MAPRE2: variants seen among roughly 807,000 people sequenced by gnomAD.
MAPRE2 encodes the protein microtubule associated protein RP/EB family member 2, also known as microtubule-associated protein RP/EB family member 2.
MAPRE2 carries 13 observed loss-of-function variants against 43.2 expected under a neutral mutation model. The ratio of observed to expected loss-of-function variants is 0.30; its 90% confidence interval spans 0.20 to 0.48. MAPRE2 has a LOEUF of 0.48. Among genes scored for constraint, MAPRE2 ranks in the 20% least tolerant of loss-of-function variants. The pLI is 0.99. For missense variants in MAPRE2, 161 were observed against 400.2 expected (o/e 0.40, Z 5.10); for synonymous variants, 135 against 148.8 (o/e 0.91, Z 0.68).
intron 1 of MAPRE2, among the ~76,000 whole-genome samples, chr18:35,069,406 A>C (rs1411815743): frequency 6.6e-6 from 1 of 152,058 alleles, no homozygotes; most frequent in East Asian, 1.9e-4. Flanking sequence ...TATTTTTCAG[A>C]GACACACTGA....
chr18:35,018,512 T>C (rs2097039898), intron 2 of MAPRE2, among the ~76,000 whole-genome samples: 1 of 151,786 alleles, frequency 6.6e-6, no homozygotes, highest in Non-Finnish European at 1.5e-5. Context: ...AACTTGATAT[T>C]GGTCTGCTCA....
intron 2 of MAPRE2, among the ~76,000 whole-genome samples, chr18:35,022,148 A>C (rs1348755712): frequency 6.6e-6 from 1 of 152,168 alleles, no homozygotes; most frequent in African/African-American, 2.4e-5. Context: ...ACGTCTCTGT[A>C]TCTCTCAAAA....
intron 2 of MAPRE2, 83 bp from the exon 3 acceptor site, chr18:35,097,362 GA>G: frequency 7.8e-7 from 1 of 1,289,466 alleles, no homozygotes; most frequent in Non-Finnish European, 1.1e-6. Flanking sequence ...TGCCTGTAAG[GA>G]CAATCCCCTT....
At chr18:35,066,080 C>G (rs1906825795) in intron 1 of MAPRE2, among the ~76,000 whole-genome samples, 1 of 152,204 alleles carries the variant, frequency 6.6e-6, no homozygotes, top group African/African-American at 2.4e-5. Flanking sequence ...TGAGTTGCTC[C>G]TTGTTCTGTA....
chr18:35,009,007 G>C (rs1665305787), intron 2 of MAPRE2, among the ~76,000 whole-genome samples: 1 of 151,912 alleles, frequency 6.6e-6, no homozygotes, highest in African/African-American at 2.4e-5. Context: ...TGAATGATGT[G>C]CTCATTCTAC....
intron 1 of MAPRE2, among the ~76,000 whole-genome samples, chr18:34,985,761 A>T (rs1054859923): frequency 3.8e-5 from 5 of 132,194 alleles, no homozygotes; most frequent in Admixed American, 8.9e-5. Flanking sequence ...TAATATATAA[A>T]ATATATTACA....
In MAPRE2 at chr18:35,075,411, C is replaced by T. The variant is rs1603398123; in HGVS notation, c.250+5089C>T. 2.6e-5 allele frequency among the ~76,000 whole-genome samples: 4 copies of T among 152,172 alleles called. No homozygotes were observed. The South Asian group carries it at 8.3e-4, about 31-fold the overall frequency. On this transcript the variant is annotated intron_variant, in intron 2 of 6. Coordinates refer to ENST00000300249, the MANE Select transcript of MAPRE2 (RefSeq NM_014268.4). ...CAGAGACCTCTGTCAGGACAGGTTA[C>T]CGATGAAATCTGCTCAGAGTCTAAA...
intron 1 of MAPRE2, among the ~76,000 whole-genome samples, chr18:35,061,027 T>C (rs914155286): frequency 6.6e-6 from 1 of 152,240 alleles, no homozygotes; most frequent in African/African-American, 2.4e-5. Context: ...ATGGGCACCC[T>C]GAAAAAGAGT....
At chr18:34,978,720 G>A (rs1262396999) in intron 1 of MAPRE2, among the ~76,000 whole-genome samples, 2 of 152,162 alleles carry the variant, frequency 1.3e-5, no homozygotes, top group Non-Finnish European at 2.9e-5. Flanking sequence ...TCAGTTAGGG[G>A]TAAGATAAGA....
chr18:35,100,103 TCA>T (rs998718638), intron 3 of MAPRE2, among the ~76,000 whole-genome samples: 2 of 152,114 alleles, frequency 1.3e-5, no homozygotes, highest in East Asian at 1.9e-4. Flanking sequence ...GCTTACACAC[TCA>T]CACACATTCA....
chr18:35,123,078 C>G (rs1045976711), intron 4 of MAPRE2, among the ~76,000 whole-genome samples: 1 of 152,236 alleles, frequency 6.6e-6, no homozygotes, highest in Non-Finnish European at 1.5e-5. Context: ...ATTCTCCCTG[C>G]GTGTCTCACT....
At chr18:35,041,355 C>G (rs1173917673), upstream of MAPRE2, 4 of 1,444,378 alleles carry the variant, frequency 2.8e-6, no homozygotes, top group African/African-American at 5.7e-5. Flanking sequence ...TGCCGGCGCT[C>G]TGACGTCAGC....
intron 6 of MAPRE2, among the ~76,000 whole-genome samples, chr18:35,138,389 G>C (rs1382476533): frequency 4.6e-5 from 7 of 152,212 alleles, no homozygotes. Context: ...GGGTGGTCAT[G>C]GGGTAGGGAG....
At chr18:35,128,254 A>C (rs952079566) in intron 5 of MAPRE2, among the ~76,000 whole-genome samples, 5 of 152,244 alleles carry the variant, frequency 3.3e-5, no homozygotes, top group African/African-American at 1.2e-4. Flanking sequence ...TTACCTGCTG[A>C]TTCTCAGTTT....
At position 35,063,999 on chromosome 18, in the gene MAPRE2, TTAAAAA is replaced by T. The variant is rs1223085069; in HGVS notation, c.123-6195_123-6190del. ...GACTGCCGAGTGAGACCCTGTCTCT[TTAAAAA>T]AAAAAAAAAAAAAAAAAAAAAAAAA... On this transcript the variant is annotated intron_variant, in intron 1 of 6. Transcript: ENST00000300249. Among the ~76,000 whole-genome samples the T allele has an allele frequency of 2.6e-3, 155 of 60,732 alleles. 7 individuals are homozygous for T. The highest frequency in any genetic ancestry group is 7.5e-3 in the African/African-American group (150 of 19,946). The allele number at this position is 60,732 out of a possible 152,430, so 39.8% of individuals were successfully genotyped here.
intron 1 of MAPRE2, among the ~76,000 whole-genome samples, chr18:35,000,686 C>T (rs1285604832): frequency 6.6e-6 from 1 of 152,098 alleles, no homozygotes; most frequent in African/African-American, 2.4e-5. Context: ...TCAATGAAAA[C>T]AAAACCAACA....
intron 2 of MAPRE2, among the ~76,000 whole-genome samples, chr18:35,023,273 G>A (rs2097043038): frequency 6.6e-6 from 1 of 152,058 alleles, no homozygotes; most frequent in African/African-American, 2.4e-5. Flanking sequence ...AGCACTTTGG[G>A]AGGCCGAGGT....
At chr18:35,012,082 A>T (rs954725968) in intron 2 of MAPRE2, among the ~76,000 whole-genome samples, 8 of 152,148 alleles carry the variant, frequency 5.3e-5, no homozygotes, top group African/African-American at 1.9e-4. Flanking sequence ...GGCAGAAGAT[A>T]GTGCCCAGTG....
At chr18:35,057,470 GAGA>G (rs1241637848) in intron 1 of MAPRE2, among the ~76,000 whole-genome samples, 5 of 150,086 alleles carry the variant, frequency 3.3e-5, no homozygotes, top group Non-Finnish European at 7.4e-5. Flanking sequence ...CAAGGTAGTA[GAGA>G]AGGAGAGCAG....
Sources: allele counts gnomAD v4.1 joint callset (sites outside exome capture counted in the v4.1 genomes callset), GRCh38; gene constraint gnomAD v4.1.1; transcripts MANE v1.5; gene names NCBI Gene and HGNC (gene_info 2026-07-23, HGNC 2026-07-21).